CSMD1: variants seen among roughly 807,000 people sequenced by gnomAD.
CSMD1 encodes CUB and sushi domain-containing protein 1.
A neutral mutation model predicts 417.5 loss-of-function variants in CSMD1; 213 were observed. That is an observed-to-expected ratio of 0.51 (90% CI 0.46 to 0.57). The LOEUF (loss-of-function observed/expected upper bound fraction) is 0.57. CSMD1 is among the 20% of genes least tolerant of loss of function. The probability of loss-of-function intolerance (pLI) is 0.00; values close to 1 mark genes in which losing one functional copy is unlikely to be tolerated. For synonymous variants in CSMD1, 2,862 were observed against 1,736.8 expected (o/e 1.65, Z -16.11); for missense variants, 6,923 against 4,529.7 (o/e 1.53, Z -15.17).
At chr8:3,675,962 G>A (rs1799353985) in intron 7 of CSMD1, among the ~76,000 whole-genome samples, 1 of 152,118 alleles carries the variant, frequency 6.6e-6, no homozygotes, top group South Asian at 2.1e-4. Context: ...TCTCAGCCCA[G>A]GCCTGCCATC....
At chr8:4,880,585 G>T (rs938589279) in intron 1 of CSMD1, among the ~76,000 whole-genome samples, 1 of 151,958 alleles carries the variant, frequency 6.6e-6, no homozygotes, top group Non-Finnish European at 1.5e-5. Context: ...CACTTCCTGT[G>T]TTCTCAAAGC....
chr8:3,824,224 GA>G (rs757636250), intron 5 of CSMD1, among the ~76,000 whole-genome samples: 37 of 151,002 alleles, frequency 2.5e-4, no homozygotes, highest in Non-Finnish European at 4.7e-4. Context: ...TGATTTATCT[GA>G]GAAAGAAATT....
Position 3,576,564 on chromosome 8 carries a change from T to A in CSMD1, c.1223-1498A>T, listed in dbSNP as rs1800159909. Among the ~76,000 whole-genome samples the A allele has an allele frequency of 2.6e-5, 4 of 152,198 alleles. No homozygotes were observed. The South Asian group carries it at 8.3e-4, about 32-fold the overall frequency. On this transcript the variant is annotated intron_variant, in intron 9 of 69. Transcript: ENST00000635120. ...CTAAAATTGACCTATTCTACATTGA[T>A]AAGTGTGTTAAAATTAACTTTTAAA...
chr8:3,206,495 G>GT (rs571752371), intron 30 of CSMD1, among the ~76,000 whole-genome samples: 1 of 82,950 alleles, frequency 1.2e-5, no homozygotes, highest in African/African-American at 4.6e-5. Flanking sequence ...TGTGTGTGTG[G>GT]GTGTATGTGT....
chr8:3,992,176 TATATAA>T (rs1323230817), intron 5 of CSMD1, among the ~76,000 whole-genome samples: 1 of 150,986 alleles, frequency 6.6e-6, no homozygotes, highest in African/African-American at 2.4e-5. Context: ...TTGTTAGATA[TATATAA>T]ATATATTTAC....
intron 3 of CSMD1, among the ~76,000 whole-genome samples, chr8:4,189,535 T>A (rs919479079): frequency 2.6e-5 from 4 of 152,256 alleles, no homozygotes; most frequent in African/African-American, 9.6e-5. Flanking sequence ...CAATCAACTT[T>A]ATGGTTACCA....
At position 3,825,569 on chromosome 8, in the gene CSMD1, T is replaced by G. The variant is rs562510738; in HGVS notation, c.819-71527A>C. Among the ~76,000 whole-genome samples the G allele has an allele frequency of 6.6e-5, 9 of 136,500 alleles. No individual in the cohort carries two copies. The South Asian group carries it at 1.8e-3, about 28-fold the overall frequency. 89.5% of individuals were successfully genotyped at this position (136,500 alleles called of 152,430 possible). ...AGGGGTGTGGGGCTGAGGGTGGTGT[T>G]TGATTACCTAGAAGAGTGGGGGAAG... On this transcript the variant is annotated intron_variant, in intron 5 of 69. Coordinates refer to ENST00000635120, the MANE Select transcript of CSMD1 (RefSeq NM_033225.6).
intron 2 of CSMD1, among the ~76,000 whole-genome samples, chr8:4,535,644 G>A (rs374885651): frequency 6.6e-6 from 1 of 152,042 alleles, no homozygotes; most frequent in Non-Finnish European, 1.5e-5. Flanking sequence ...TTCTGTTCAT[G>A]ATTTGCCAAA....
At chr8:4,901,687 G>A (rs1804879195) in intron 1 of CSMD1, among the ~76,000 whole-genome samples, 1 of 152,162 alleles carries the variant, frequency 6.6e-6, no homozygotes, top group Admixed American at 6.5e-5. Context: ...CCAACTGGCA[G>A]TATGCATACT....
chr8:4,250,025 C>A (rs1000494187), intron 3 of CSMD1, among the ~76,000 whole-genome samples: 10 of 152,196 alleles, frequency 6.6e-5, no homozygotes, highest in African/African-American at 2.2e-4. Flanking sequence ...GCTCTGTACC[C>A]ATGAATAAAT....
At chr8:4,320,947 C>G (rs1799241285) in intron 3 of CSMD1, among the ~76,000 whole-genome samples, 1 of 152,106 alleles carries the variant, frequency 6.6e-6, no homozygotes, top group Non-Finnish European at 1.5e-5. Flanking sequence ...AGTGTGAGGT[C>G]CTAGCCACTC....
chr8:3,520,306 A>T (rs1466771743), intron 10 of CSMD1, among the ~76,000 whole-genome samples: 2 of 152,186 alleles, frequency 1.3e-5, no homozygotes, highest in African/African-American at 4.8e-5. Context: ...AAAATGTTGA[A>T]GAACTGGCTT....
intron 26 of CSMD1, among the ~76,000 whole-genome samples, chr8:3,254,702 G>A (rs1022984888): frequency 2.6e-5 from 4 of 152,170 alleles, no homozygotes; most frequent in African/African-American, 7.2e-5. Flanking sequence ...TAGTTCTCGA[G>A]CCTTGGTTTT....
chr8:4,248,135 C>T (rs1192797318), intron 3 of CSMD1, among the ~76,000 whole-genome samples: 1 of 151,778 alleles, frequency 6.6e-6, no homozygotes, highest in African/African-American at 2.4e-5. Context: ...AACAAATGGG[C>T]TATTTTGTAA....
intron 3 of CSMD1, among the ~76,000 whole-genome samples, chr8:4,399,731 A>G (rs1350730394): frequency 6.6e-6 from 1 of 152,140 alleles, no homozygotes; most frequent in East Asian, 1.9e-4. Flanking sequence ...AATCTAATGA[A>G]GACTTTTGTT....
At chr8:4,575,282 ATGATTGGTGTCCC>A (rs1799085123) in intron 2 of CSMD1, among the ~76,000 whole-genome samples, 1 of 152,172 alleles carries the variant, frequency 6.6e-6, no homozygotes, top group Non-Finnish European at 1.5e-5. Context: ...ATTTTCATAT[ATGATTGGTGTCCC>A]TGTCCTTTTT....
chr8:4,193,539 G>C (rs1488440203), intron 3 of CSMD1, among the ~76,000 whole-genome samples: 2 of 152,080 alleles, frequency 1.3e-5, no homozygotes, highest in Admixed American at 6.6e-5. Flanking sequence ...GGCTGAAGAG[G>C]TCTGAGTCAC....
At chr8:4,475,423 T>A (rs925751647) in intron 2 of CSMD1, among the ~76,000 whole-genome samples, 1 of 152,126 alleles carries the variant, frequency 6.6e-6, no homozygotes, top group African/African-American at 2.4e-5. Flanking sequence ...TTTCTCTTTT[T>A]TAATATTCAC....
chr8:4,370,695 G>C (rs1408949556), intron 3 of CSMD1, among the ~76,000 whole-genome samples: 4 of 152,304 alleles, frequency 2.6e-5, no homozygotes, highest in African/African-American at 9.6e-5. Context: ...CAAGACCTGA[G>C]ATTCTTTCCT....
Sources: allele counts gnomAD v4.1 joint callset (sites outside exome capture counted in the v4.1 genomes callset), GRCh38; gene constraint gnomAD v4.1.1; transcripts MANE v1.5; gene names NCBI Gene and HGNC (gene_info 2026-07-23, HGNC 2026-07-21).